Variants in SUSD1 observed in about 807,000 individuals in gnomAD.
SUSD1 encodes the protein sushi domain-containing protein 1.
SUSD1 carries 65 observed loss-of-function variants against 86.9 expected under a neutral mutation model. That is an observed-to-expected ratio of 0.75 (90% CI 0.61 to 0.92). The LOEUF is 0.92. Ranked by LOEUF, SUSD1 falls within the 40% of genes least tolerant of loss-of-function variation. SUSD1 has a pLI of 0.00. For synonymous variants in SUSD1, 346 were observed against 350.0 expected (o/e 0.99, Z 0.13); for missense variants, 850 against 929.7 (o/e 0.91, Z 1.11).
At chr9:112,102,499 C>A (rs1284477457) in intron 8 of SUSD1, among the ~76,000 whole-genome samples, 1 of 152,212 alleles carries the variant, frequency 6.6e-6, no homozygotes, top group Non-Finnish European at 1.5e-5. Context: ...ACCTCAGTCT[C>A]CTTGTTTGTA....
chr9:112,068,429 G>A (rs2762494), intron 12 of SUSD1, among the ~76,000 whole-genome samples: 88,046 of 151,988 alleles, frequency 0.58, 27,196 homozygotes, highest in Middle Eastern at 0.76. Context: ...TTTTTAGCAG[G>A]CTGGGTGCAC....
At chr9:112,072,360 G>A (rs1829322221) in intron 12 of SUSD1, among the ~76,000 whole-genome samples, 1 of 151,872 alleles carries the variant, frequency 6.6e-6, no homozygotes, top group African/African-American at 2.4e-5. Context: ...TGTTGGCCAG[G>A]CTGGTCTCGA....
intron 1 of SUSD1, among the ~76,000 whole-genome samples, chr9:112,169,057 C>T (rs1833933572): frequency 6.6e-6 from 1 of 152,072 alleles, no homozygotes; most frequent in Non-Finnish European, 1.5e-5. Flanking sequence ...GCACCAAATT[C>T]CAGAGGTGGA....
intron 8 of SUSD1, among the ~76,000 whole-genome samples, chr9:112,110,681 G>A (rs992728018): frequency 1.3e-4 from 20 of 150,796 alleles, no homozygotes; most frequent in African/African-American, 4.6e-4. Context: ...ATGAGTCACC[G>A]TGCCCCACCT....
intron 2 of SUSD1, among the ~76,000 whole-genome samples, chr9:112,156,160 G>GT (rs1554774934): frequency 7.4e-5 from 10 of 134,244 alleles, no homozygotes; most frequent in Admixed American, 3.0e-4. Context: ...TAAAATAAAG[G>GT]TAAAAAAAAA....
chr9:112,077,499 C>CTTTTT (rs869259276), intron 12 of SUSD1, among the ~76,000 whole-genome samples: 30 of 66,420 alleles, frequency 4.5e-4, no homozygotes, highest in Non-Finnish European at 5.4e-4. Flanking sequence ...TAGTAATCTA[C>CTTTTT]TTTTTTTTTT....
intron 14 of SUSD1, among the ~76,000 whole-genome samples, chr9:112,057,603 C>A (rs1038795499): frequency 6.6e-6 from 1 of 152,184 alleles, no homozygotes; most frequent in African/African-American, 2.4e-5. Flanking sequence ...AACATTCTTA[C>A]AAGTAACTAT....
intron 8 of SUSD1, among the ~76,000 whole-genome samples, chr9:112,107,107 G>GA (rs1487832737): frequency 2.0e-5 from 3 of 151,514 alleles, no homozygotes; most frequent in Non-Finnish European, 4.4e-5. Context: ...TTTACAAAAT[G>GA]AAAAAATTAA....
In SUSD1 at chr9:112,078,672, G is replaced by T. The variant is rs139443179; in HGVS notation, c.1619C>A (p.Thr540Asn). ...TCGGCTGCTGCTACTGATATTAAAGGTCATTTCCTGGGCAAATTCCTTCTG... is the reference window on the plus strand; with the variant it reads ...TCGGCTGCTGCTACTGATATTAAAGTTCATTTCCTGGGCAAATTCCTTCTG... ...WYQKEFAQEM[T>N]FNISSSSRDP... Residue 540 changes from threonine to asparagine, a missense_variant, in exon 12 of 17, where the codon ACC (threonine) becomes AAC (asparagine). By Grantham distance (65) the Thr-to-Asn change is moderately conservative. Coordinates refer to ENST00000374270, the MANE Select transcript of SUSD1 (RefSeq NM_022486.5). 6.2e-7 allele frequency: 1 copy of T among 1,613,944 alleles called. No homozygotes were observed. The highest frequency in any genetic ancestry group is 8.5e-7 in the Non-Finnish European group (1 of 1,179,884).
chr9:112,175,219 C>A lies in SUSD1; in HGVS notation c.17G>T (p.Trp6Leu). Residue 6 changes from tryptophan (W) to leucine (L), a missense_variant, in exon 1 of 17, where the codon TGG becomes TTG. Transcript: ENST00000374270. This position sits in a 1 kb window ranked among gnomAD's most constrained non-coding sequence, Gnocchi z 4.7. ...CAGGCGGCGAGACGGGCCCGCATCCCAGGGCCCCCGGCCCATGCCGCCGCC... is the reference window on the plus strand; with the variant it reads ...CAGGCGGCGAGACGGGCCCGCATCCAAGGGCCCCCGGCCCATGCCGCCGCC... The part of the protein sequence containing the change: MGRGP[W>L]DAGPSRRLLP... 8.6e-7 allele frequency: 1 copy of A among 1,159,640 alleles called. No individual in the cohort carries two copies. The highest frequency in any genetic ancestry group is 1.1e-6 in the Non-Finnish European group (1 of 943,334). 71.8% of individuals were successfully genotyped at this position (1,159,640 alleles called of 1,614,324 possible). A position where few individuals can be genotyped will look rare whatever the true frequency, so the allele number is the denominator to read the frequency against.
intron 6 of SUSD1, among the ~76,000 whole-genome samples, chr9:112,117,526 G>GTA (rs1831378438): frequency 6.6e-6 from 1 of 152,094 alleles, no homozygotes; most frequent in South Asian, 2.1e-4. Context: ...GTGTGTGTGT[G>GTA]TACACACAGG....
intron 1 of SUSD1, chr9:112,173,767 C>A (rs1834147021): frequency 1.2e-5 from 4 of 335,718 alleles, no homozygotes; most frequent in Non-Finnish European, 2.4e-5. Context: ...AAGGCCTCAG[C>A]ACGTGCACTC....
At chr9:112,052,052 GC>G in intron 15 of SUSD1, 1 of 942,336 alleles carries the variant, frequency 1.1e-6, no homozygotes, top group Non-Finnish European at 1.4e-6. Context: ...GCGGGAGCTT[GC>G]CATCACTCCC....
intron 10 of SUSD1, among the ~76,000 whole-genome samples, chr9:112,086,650 T>C (rs1564282571): frequency 6.6e-6 from 1 of 151,654 alleles, no homozygotes; most frequent in Non-Finnish European, 1.5e-5. Flanking sequence ...TGTCAGGTAG[T>C]GGTAAGAAAA....
In SUSD1 at chr9:112,092,826, G is replaced by A. The variant is rs575596186; in HGVS notation, c.1474+5644C>T. Among the ~76,000 whole-genome samples, 54 of 152,042 alleles carry A rather than the reference G, an allele frequency of 3.6e-4. 1 individual carries two copies. In the South Asian group the frequency reaches 8.1e-3, roughly 23 times the overall value. On this transcript the variant is annotated intron_variant, in intron 10 of 16. Transcript: ENST00000374270. ...AAAACTTTTATATGTCAAAAACATC[G>A]TAAACAAAATTGAAAGAAACCATAA...
At chr9:112,126,960 T>C (rs1831800856) in intron 5 of SUSD1, among the ~76,000 whole-genome samples, 1 of 152,186 alleles carries the variant, frequency 6.6e-6, no homozygotes, top group Non-Finnish European at 1.5e-5. Flanking sequence ...TTTTCCCCAC[T>C]GTACAGGCAA....
At chr9:112,070,582 T>C (rs961413526) in intron 12 of SUSD1, among the ~76,000 whole-genome samples, 1 of 152,162 alleles carries the variant, frequency 6.6e-6, no homozygotes, top group African/African-American at 2.4e-5. Flanking sequence ...GTGTGTGAGA[T>C]GGGAGAGGAA....
intron 6 of SUSD1, 78 bp from the exon 7 acceptor site, chr9:112,112,946 T>C: frequency 1.2e-6 from 1 of 826,718 alleles, no homozygotes; most frequent in Non-Finnish European, 2.1e-6. Flanking sequence ...TCAGTCTCTC[T>C]GCATAGCTGG....
At chr9:112,165,839 A>AG (rs1400504372) in intron 1 of SUSD1, among the ~76,000 whole-genome samples, 1 of 141,286 alleles carries the variant, frequency 7.1e-6, no homozygotes, top group African/African-American at 2.6e-5. Flanking sequence ...AAAGAGAAAG[A>AG]AAGAAAGAGA....
Sources: gnomAD v4.1 joint callset for allele counts (sites outside exome capture counted in the v4.1 genomes callset) on GRCh38, gnomAD v4.1.1 for gene constraint, Gnocchi (gnomAD v3.1) non-coding constraint, MANE v1.5 for transcripts, NCBI Gene and HGNC (gene_info 2026-07-23, HGNC 2026-07-21) for gene names.